UNC5D: variants seen among roughly 807,000 people sequenced by gnomAD.
UNC5D encodes netrin receptor UNC5D.
UNC5D carries 39 observed loss-of-function variants against 105.4 expected under a neutral mutation model. That is an observed-to-expected ratio of 0.37 (90% CI 0.29 to 0.48). The LOEUF (loss-of-function observed/expected upper bound fraction) is 0.48, where lower values mean the gene tolerates loss of function less well. UNC5D is among the 20% of genes least tolerant of loss of function. UNC5D has a pLI of 0.98. For synonymous variants in UNC5D, 452 were observed against 450.4 expected, an observed-to-expected ratio of 1.00 and a Z score of -0.04; for missense variants, 991 against 1,202.4, an observed-to-expected ratio of 0.82 and a Z score of 2.60.
intron 1 of UNC5D, among the ~76,000 whole-genome samples, chr8:35,500,038 A>G (rs1811866787): frequency 6.6e-6 from 1 of 152,222 alleles, no homozygotes; most frequent in African/African-American, 2.4e-5. Context: ...AACAACAAAA[A>G]CAAATTATCA....
At chr8:35,789,011 A>G (rs976366214) in intron 16 of UNC5D, among the ~76,000 whole-genome samples, 2 of 151,130 alleles carry the variant, frequency 1.3e-5, no homozygotes, top group African/African-American at 4.9e-5. Flanking sequence ...CTTGATAAAG[A>G]GGAGAAAGGG....
At chr8:35,627,974 A>G (rs1419368257) in intron 4 of UNC5D, among the ~76,000 whole-genome samples, 6 of 151,936 alleles carry the variant, frequency 3.9e-5, no homozygotes, top group African/African-American at 1.5e-4. Context: ...ATGGGTTTAG[A>G]TTTTTTTTGA....
intron 1 of UNC5D, among the ~76,000 whole-genome samples, chr8:35,288,059 T>A (rs1331918087): frequency 6.6e-6 from 1 of 151,796 alleles, no homozygotes; most frequent in Non-Finnish European, 1.5e-5. Context: ...AAGAAAATAA[T>A]GGCTGAAAAA....
At chr8:35,539,974 A>G (rs1034519449) in intron 1 of UNC5D, among the ~76,000 whole-genome samples, 2 of 152,354 alleles carry the variant, frequency 1.3e-5, no homozygotes, top group Admixed American at 6.5e-5. Flanking sequence ...AGTGAAAAAT[A>G]TGAGAATGGT....
Position 35,238,463 on chromosome 8 carries a change from G to T in UNC5D, c.103+2576G>T, listed in dbSNP as rs192483233. Among the ~76,000 whole-genome samples the T allele has an allele frequency of 2.6e-5, 4 of 152,348 alleles. No individual in the cohort carries two copies. In the South Asian group the frequency reaches 8.3e-4, roughly 32 times the overall value. The stretch of plus-strand genomic sequence containing the variant: ...TGCCTGTCGGCATATTGTAAGGAAG[G>T]CACTCTGGTGCCATGATCACTGTAT... On this transcript the variant is annotated intron_variant, in intron 1 of 16. Transcript: ENST00000404895.
intron 1 of UNC5D, among the ~76,000 whole-genome samples, chr8:35,474,169 A>G (rs1467428738): frequency 1.3e-5 from 2 of 152,248 alleles, no homozygotes; most frequent in African/African-American, 4.8e-5. Context: ...ATCCAGATGT[A>G]CATCCATGCA....
chr8:35,659,604 A>T (rs1425502318), intron 4 of UNC5D, among the ~76,000 whole-genome samples: 6 of 152,232 alleles, frequency 3.9e-5, no homozygotes, highest in Non-Finnish European at 8.8e-5. Flanking sequence ...GCAAGCACAC[A>T]TACGTATGTG....
At chr8:35,265,387 A>G (rs1804789839) in intron 1 of UNC5D, among the ~76,000 whole-genome samples, 1 of 152,148 alleles carries the variant, frequency 6.6e-6, no homozygotes, top group Non-Finnish European at 1.5e-5. Flanking sequence ...TTTTCAGCTC[A>G]TGAGTTCTCT....
At chr8:35,236,108 G>A (rs1802441197) in intron 1 of UNC5D, among the ~76,000 whole-genome samples, 1 of 152,182 alleles carries the variant, frequency 6.6e-6, no homozygotes, top group African/African-American at 2.4e-5. Flanking sequence ...TGTGACCCGG[G>A]CCCCTACCGT....
intron 7 of UNC5D, among the ~76,000 whole-genome samples, chr8:35,690,264 G>C (rs1324904141): frequency 6.6e-6 from 1 of 152,160 alleles, no homozygotes; most frequent in Non-Finnish European, 1.5e-5. Flanking sequence ...TGGGAAACGG[G>C]TGTGTTTGTA....
chr8:35,319,284 C>T (rs1809538681), intron 1 of UNC5D, among the ~76,000 whole-genome samples: 1 of 152,220 alleles, frequency 6.6e-6, no homozygotes, highest in Non-Finnish European at 1.5e-5. Context: ...ACAGGCTCCA[C>T]ACTATTGGTT....
chr8:35,699,320 C>A (rs1465304465), intron 7 of UNC5D, among the ~76,000 whole-genome samples: 1 of 152,144 alleles, frequency 6.6e-6, no homozygotes, highest in Non-Finnish European at 1.5e-5. Flanking sequence ...TAATTATGTG[C>A]TTTGACTAAG....
chr8:35,532,916 C>A (rs1198412137), intron 1 of UNC5D, among the ~76,000 whole-genome samples: 12 of 120,210 alleles, frequency 1.0e-4, no homozygotes, highest in Admixed American at 5.2e-4. Flanking sequence ...TTAAGCACTT[C>A]TCTGTATTGG....
At chr8:35,653,650 C>A (rs917344846) in intron 4 of UNC5D, among the ~76,000 whole-genome samples, 15 of 152,210 alleles carry the variant, frequency 9.9e-5, no homozygotes, top group Admixed American at 2.0e-4. Flanking sequence ...AGTTCACAAA[C>A]TCTCCAACTA....
intron 1 of UNC5D, chr8:35,544,350 G>T: frequency 6.4e-7 from 1 of 1,564,714 alleles, no homozygotes; most frequent in South Asian, 1.2e-5. Context: ...TATCAGTGAG[G>T]AACGTTTTCT....
intron 1 of UNC5D, among the ~76,000 whole-genome samples, chr8:35,526,328 T>A (rs1456344368): frequency 6.6e-6 from 1 of 152,082 alleles, no homozygotes; most frequent in East Asian, 1.9e-4. Context: ...GCTCCCTGAG[T>A]CCTTGGACAC....
chr8:35,623,873 G>A (rs1187405825), intron 4 of UNC5D, among the ~76,000 whole-genome samples: 2 of 152,258 alleles, frequency 1.3e-5, no homozygotes, highest in South Asian at 2.1e-4. Flanking sequence ...AAGGGTAGGA[G>A]ATCGAGACCA....
At chr8:35,437,379 T>C (rs894242509) in intron 1 of UNC5D, among the ~76,000 whole-genome samples, 4 of 151,928 alleles carry the variant, frequency 2.6e-5, no homozygotes, top group African/African-American at 9.7e-5. Context: ...AAAAAAAAAG[T>C]AATCCTTTTG....
chr8:35,519,509 T>G (rs915673736), intron 1 of UNC5D, among the ~76,000 whole-genome samples: 3 of 152,130 alleles, frequency 2.0e-5, no homozygotes, highest in Admixed American at 6.5e-5. Context: ...AAAGGCATAT[T>G]GGCTATATAG....
Sources: gnomAD v4.1 joint callset for allele counts (sites outside exome capture counted in the v4.1 genomes callset) on GRCh38, gnomAD v4.1.1 for gene constraint, MANE v1.5 for transcripts, NCBI Gene and HGNC (gene_info 2026-07-23, HGNC 2026-07-21) for gene names.